Variants in ZNF793 observed in about 807,000 individuals in gnomAD.
The protein encoded by ZNF793 is zinc finger protein 793.
In ZNF793, 5 loss-of-function variants were observed where a neutral mutation model predicts 12.4. The ratio of observed to expected loss-of-function variants is 0.40; its 90% CI spans 0.21 to 0.84. ZNF793 has a LOEUF of 0.84. Among genes scored for constraint, ZNF793 ranks in the 40% least tolerant of loss-of-function variants. The probability of loss-of-function intolerance (pLI) is 0.35; values close to 1 mark genes in which losing one functional copy is unlikely to be tolerated. For synonymous variants in ZNF793, 162 were observed against 172.4 expected, an observed-to-expected ratio of 0.94 and a Z score of 0.47; for missense variants, 456 against 495.0, an observed-to-expected ratio of 0.92 and a Z score of 0.75.
intron 2 of ZNF793, among the ~76,000 whole-genome samples, chr19:37,518,041 A>G (rs2042346405): frequency 1.3e-5 from 2 of 152,176 alleles, no homozygotes; most frequent in South Asian, 4.1e-4. Flanking sequence ...TATGCTTCAC[A>G]TTGTATGTTA....
intron 5 of ZNF793, among the ~76,000 whole-genome samples, chr19:37,528,761 G>A (rs1353424083): frequency 6.6e-6 from 1 of 152,136 alleles, no homozygotes; most frequent in African/African-American, 2.4e-5. Flanking sequence ...AGGCGGTCAA[G>A]ACTTCTTCTT....
At chr19:37,509,422 AT>A (rs574749921) in intron 2 of ZNF793, among the ~76,000 whole-genome samples, 151 of 152,378 alleles carry the variant, frequency 9.9e-4, no homozygotes, top group African/African-American at 3.2e-3. Context: ...TTAAAAAATT[AT>A]TACGTTTGAT....
rs1380035401 is a variant in ZNF793, at chr19:37,542,405, G to GAA, written c.*4529_*4530dup. On this transcript the variant is annotated 3_prime_UTR_variant, in exon 8 of 8. Transcript: ENST00000627814. ...AAAAAGATTCCATCTCAAAAGAAAAGAAAAGAAATCTGTTAATATTATTAA... is the reference window on the plus strand; with the variant it reads ...AAAAAGATTCCATCTCAAAAGAAAAGAAAAAAGAAATCTGTTAATATTATTAA... The GAA allele has an allele frequency of 2.7e-6, 1 of 367,428 alleles. No homozygotes were observed. The highest frequency in any genetic ancestry group is 2.1e-5 in the African/African-American group (1 of 46,950). The allele number at this position is 367,428 out of a possible 1,614,324, so 22.8% of individuals were successfully genotyped here.
chr19:37,513,081 A>G (rs2042305905), intron 2 of ZNF793, among the ~76,000 whole-genome samples: 1 of 152,156 alleles, frequency 6.6e-6, no homozygotes, highest in South Asian at 2.1e-4. Flanking sequence ...GTCCTTCTCA[A>G]TGTACCATAC....
intron 2 of ZNF793, among the ~76,000 whole-genome samples, chr19:37,513,865 T>C (rs1273380762): frequency 6.6e-6 from 1 of 152,306 alleles, no homozygotes; most frequent in East Asian, 1.9e-4. Flanking sequence ...CTGTGATTGA[T>C]TTTCTGTAGT....
At chr19:37,536,221 A>G in intron 7 of ZNF793, 2 of 383,944 alleles carry the variant, frequency 5.2e-6, no homozygotes, top group Non-Finnish European at 9.2e-6. Context: ...TTATATTGTA[A>G]CTAACTAGCC....
chr19:37,533,729 T>C (rs1276792366), intron 7 of ZNF793: 1 of 463,942 alleles, frequency 2.2e-6, no homozygotes, highest in Non-Finnish European at 3.8e-6. Flanking sequence ...GATAAAATGC[T>C]TCAGAGCTAC....
chr19:37,517,568 G>A lies in ZNF793; in HGVS notation c.-275-2616G>A, dbSNP rs1003641063. On this transcript the variant is annotated intron_variant, in intron 2 of 7. Transcript: ENST00000627814. ...AGAAGTTATAAACCCAAGCGCCACA[G>A]CCAGGCTAGTCGGGTCTGTATCTCA... Among the ~76,000 whole-genome samples, 5 of 152,168 alleles carry A rather than the reference G, an allele frequency of 3.3e-5. No homozygotes were observed. In the South Asian group the frequency reaches 1.0e-3, roughly 32 times the overall value.
At position 37,515,055 on chromosome 19, in the gene ZNF793, C is replaced by A. The variant is rs917885703; in HGVS notation, c.-275-5129C>A. Among the ~76,000 whole-genome samples the A allele has an allele frequency of 4.6e-5, 7 of 152,230 alleles. 1 individual carries two copies. Among genetic ancestry groups the A allele is most frequent in the African/African-American group, 1.7e-4 (7 of 41,470 alleles). On this transcript the variant is annotated intron_variant, in intron 2 of 7. Transcript: ENST00000627814. ...GTAATGGCAGAACTCTGCTTACCTTCCCATTCAAGTGAACACCCTTCCCTG... is the reference window on the plus strand; with the variant it reads ...GTAATGGCAGAACTCTGCTTACCTTACCATTCAAGTGAACACCCTTCCCTG...
At chr19:37,506,670 G>A (rs2042251460), upstream of ZNF793, 1 of 152,240 alleles carries the variant, frequency 6.6e-6, no homozygotes. Flanking sequence ...GAGATGCTGA[G>A]TTAAGAGCAG....
upstream of ZNF793, chr19:37,506,709 G>A (rs2042251760): frequency 6.6e-6 from 1 of 152,268 alleles, no homozygotes. Context: ...GGGATCCAGG[G>A]ACACTTCCTT....
At position 37,536,911 on chromosome 19, in the gene ZNF793, G is replaced by C; in HGVS notation, c.253G>C (p.Val85Leu). 6.2e-7 allele frequency: 1 copy of C among 1,609,138 alleles called. No individual in the cohort carries two copies. The highest frequency in any genetic ancestry group is 8.5e-7 in the Non-Finnish European group (1 of 1,178,384). ...ACTTTCTCCAGAAGACATCTGGCGA[G>C]TTAATATCCAGAGGAAAAGACGGCA... ...GCHCWEDIWR[V>L]NIQRKRRQDM... The change falls in exon 8 of 8, where the codon GTT becomes CTT. Residue 85 changes from valine to leucine, a missense_variant. Val to Leu is a conservative substitution (Grantham distance 32). Coordinates refer to ENST00000627814, the MANE Select transcript of ZNF793 (RefSeq NM_001013659.3).
chr19:37,517,654 G>A (rs955943408), intron 2 of ZNF793, among the ~76,000 whole-genome samples: 11 of 152,198 alleles, frequency 7.2e-5, no homozygotes, highest in Admixed American at 2.6e-4. Flanking sequence ...TAGAAATGGA[G>A]TAGGACTCGG....
chr19:37,528,262 C>T (rs1568323911), intron 5 of ZNF793, among the ~76,000 whole-genome samples: 1 of 152,178 alleles, frequency 6.6e-6, no homozygotes, highest in Non-Finnish European at 1.5e-5. Context: ...ATCCTCCCAG[C>T]AGTAATGTGT....
chr19:37,525,182 A>G (rs1044540190), intron 5 of ZNF793, among the ~76,000 whole-genome samples: 4 of 148,400 alleles, frequency 2.7e-5, no homozygotes, highest in African/African-American at 7.5e-5. Flanking sequence ...TCTGTCGCCC[A>G]GGCTGGAGTG....
intron 4 of ZNF793, 99 bp from the exon 5 acceptor site, chr19:37,523,311 T>G (rs986114157): frequency 5.3e-6 from 5 of 938,650 alleles, no homozygotes; most frequent in Non-Finnish European, 8.5e-6. Context: ...TTGTACAATA[T>G]TTACAAAGGG....
chr19:37,518,123 T>C (rs1234783562), intron 2 of ZNF793, among the ~76,000 whole-genome samples: 1 of 151,978 alleles, frequency 6.6e-6, no homozygotes, highest in East Asian at 1.9e-4. Context: ...TCCATTATTA[T>C]TATTATTATT....
intron 6 of ZNF793, among the ~76,000 whole-genome samples, chr19:37,532,691 C>A (rs911304366): frequency 1.3e-5 from 2 of 151,924 alleles, no homozygotes; most frequent in South Asian, 2.1e-4. Flanking sequence ...TGGTGGCGGG[C>A]GCCTGTAATC....
rs1304693451 is a variant in ZNF793 at position 37,523,431 on chromosome 19, C to T, written c.-9C>T. ...ACAGGTGTCAGATCTTTTTCAAGAA[C>T]AGCAGAAAATGATCGAATACCAGGT... On this transcript the variant is annotated 5_prime_UTR_variant, in exon 5 of 8. Coordinates refer to ENST00000627814, the MANE Select transcript of ZNF793 (RefSeq NM_001013659.3). The T allele has an allele frequency of 1.9e-6, 3 of 1,613,318 alleles. No individual in the cohort carries two copies. The highest frequency in any genetic ancestry group is 2.5e-6 in the Non-Finnish European group (3 of 1,179,450).
Sources: gnomAD v4.1 joint callset for allele counts (sites outside exome capture counted in the v4.1 genomes callset) on GRCh38, gnomAD v4.1.1 for gene constraint, MANE v1.5 for transcripts, NCBI Gene and HGNC (gene_info 2026-07-23, HGNC 2026-07-21) for gene names.